Variants in HOPX observed in about 807,000 individuals in gnomAD.
HOPX encodes the protein HOP homeobox.
Under a neutral mutation model 11.8 loss-of-function variants are expected in HOPX, and 5 were observed. That is an observed-to-expected ratio of 0.43 (90% CI 0.22 to 0.89). The LOEUF is 0.89. Among genes scored for constraint, HOPX ranks in the 40% least tolerant of loss-of-function variants. HOPX has a pLI of 0.28. For synonymous variants in HOPX, 49 were observed against 49.7 expected (o/e 0.99, Z 0.06); for missense variants, 119 against 120.0 (o/e 0.99, Z 0.04).
intron 1 of HOPX, among the ~76,000 whole-genome samples, chr4:56,660,849 A>C (rs180755984): frequency 1.3e-5 from 2 of 152,328 alleles, no homozygotes; most frequent in East Asian, 3.9e-4. Context: ...TACCAAGACT[A>C]TGGAAGCTAC....
At chr4:56,681,060 T>C in intron 1 of HOPX, 195 bp downstream of exon 1, 5 of 985,308 alleles carry the variant, frequency 5.1e-6, no homozygotes, top group Non-Finnish European at 6.0e-6. Context: ...GCAGTTTTGT[T>C]TGTAAGGGAC....
At position 56,650,808 on chromosome 4, in the gene HOPX, C is replaced by T. The variant is rs546457239; in HGVS notation, c.199-2011G>A. The T allele has an allele frequency of 3.9e-6, 6 of 1,546,926 alleles. No individual in the cohort carries two copies. The highest frequency in any genetic ancestry group is 2.0e-5 in the Admixed American group (1 of 50,368). ...TATTTTGCTCCTGGAGATCAAATCA[C>T]TACCCTTCATGAGAAGAGAGAACTC... On this transcript the variant is annotated intron_variant, in intron 3 of 3. Coordinates refer to ENST00000420433, the MANE Select transcript of HOPX (RefSeq NM_032495.6).
At chr4:56,662,337 G>A (rs889511986) in intron 1 of HOPX, 3 of 152,166 alleles carry the variant, frequency 2.0e-5, no homozygotes, top group Non-Finnish European at 2.9e-5. Flanking sequence ...TTTTTAAAAA[G>A]AGTTAAATTG....
intron 3 of HOPX, 128 bp downstream of exon 3, chr4:56,655,729 G>T: frequency 8.9e-7 from 1 of 1,126,236 alleles, no homozygotes; most frequent in Non-Finnish European, 1.3e-6. Context: ...CTGGGATGCG[G>T]GCAGAAGCGA....
chr4:56,660,877 T>TC (rs1336349185), intron 1 of HOPX, among the ~76,000 whole-genome samples: 1 of 151,936 alleles, frequency 6.6e-6, no homozygotes, highest in Non-Finnish European at 1.5e-5. Context: ...TTTCCCGGAG[T>TC]CCCATCCCCT....
intron 1 of HOPX, among the ~76,000 whole-genome samples, chr4:56,676,279 C>T (rs937609319): frequency 6.6e-6 from 1 of 151,472 alleles, no homozygotes; most frequent in Non-Finnish European, 1.5e-5. Flanking sequence ...GCCTGGGTGA[C>T]AGTGAGACTC....
At chr4:56,675,406 A>G (rs1230776010) in intron 1 of HOPX, among the ~76,000 whole-genome samples, 1 of 151,542 alleles carries the variant, frequency 6.6e-6, no homozygotes, top group Non-Finnish European at 1.5e-5. Flanking sequence ...TTTAGAGTAA[A>G]AGGAGGTGCT....
intron 1 of HOPX, chr4:56,672,874 C>T (rs1360101513): frequency 6.6e-6 from 1 of 152,082 alleles, no homozygotes; most frequent in Admixed American, 6.6e-5. Flanking sequence ...GAAGATTGTG[C>T]TCTTTTAGTT....
chr4:56,669,203 G>A (rs748197563), intron 1 of HOPX, among the ~76,000 whole-genome samples: 12 of 152,088 alleles, frequency 7.9e-5, no homozygotes, highest in Non-Finnish European at 1.6e-4. Context: ...CAAGAAAGAA[G>A]AACACAGAGG....
At chr4:56,677,512 A>G (rs1027043623) in intron 1 of HOPX, among the ~76,000 whole-genome samples, 1 of 151,750 alleles carries the variant, frequency 6.6e-6, no homozygotes, top group African/African-American at 2.4e-5. Flanking sequence ...TCATTAAACG[A>G]TTATTGTCTA....
chr4:56,656,204 C>T (rs896136313), intron 2 of HOPX, 192 bp from the exon 3 acceptor site: 7 of 1,125,034 alleles, frequency 6.2e-6, no homozygotes, highest in East Asian at 3.7e-5. Context: ...CCGGGCCTCC[C>T]TCCCTGGACT....
At chr4:56,681,641 C>T, upstream of HOPX, 1 of 1,000,100 alleles carries the variant, frequency 1.0e-6, no homozygotes, top group Non-Finnish European at 1.2e-6. Context: ...GTCTTCTCAT[C>T]CACTTCCTTA....
intron 1 of HOPX, among the ~76,000 whole-genome samples, chr4:56,677,418 T>G (rs997707640): frequency 6.6e-5 from 10 of 151,682 alleles, no homozygotes; most frequent in Non-Finnish European, 1.5e-4. Context: ...AAAATTCAAA[T>G]GGTAACTATA....
At chr4:56,657,541 G>A (rs866754365) in intron 2 of HOPX, among the ~76,000 whole-genome samples, 2 of 152,138 alleles carry the variant, frequency 1.3e-5, no homozygotes, top group Non-Finnish European at 2.9e-5. Flanking sequence ...CAGGCACAAC[G>A]GGAAGTCATT....
At chr4:56,656,066 G>C in intron 2 of HOPX, 54 bp from the exon 3 acceptor site, 1 of 1,441,642 alleles carries the variant, frequency 6.9e-7, no homozygotes, top group Non-Finnish European at 9.1e-7. Flanking sequence ...CGGGCGGGAC[G>C]CAGCGAAGGA....
chr4:56,671,892 C>T (rs182983076), intron 1 of HOPX, among the ~76,000 whole-genome samples: 20 of 152,190 alleles, frequency 1.3e-4, no homozygotes, highest in Admixed American at 1.2e-3. Context: ...CTTTAGACGT[C>T]CATTTCATCA....
chr4:56,657,679 G>T lies in HOPX; in HGVS notation c.42+96C>A, dbSNP rs144901150. ...CTGTCACGGTGCTAGGCAGGAGAGG[G>T]TCATACCAGGTCAGAAACACTTCTT... On this transcript the variant is annotated intron_variant, in intron 2 of 3. Coordinates refer to ENST00000420433, the MANE Select transcript of HOPX (RefSeq NM_032495.6). 633 of 720,872 alleles carry T rather than the reference G, an allele frequency of 8.8e-4. 1 individual carries two copies. The highest frequency in any genetic ancestry group is 6.2e-3 in the African/African-American group (355 of 57,386). The allele number at this position is 720,872 out of a possible 1,614,324, so 44.7% of individuals were successfully genotyped here.
rs73163036 is a variant in HOPX, at chr4:56,674,407, A to C, written c.-84+6848T>G. 1.9e-3 allele frequency among the ~76,000 whole-genome samples: 288 copies of C among 151,850 alleles called. 14 individuals carry two copies. Among genetic ancestry groups the C allele is most frequent in the African/African-American group, 6.8e-3 (278 of 41,102 alleles). Reference sequence around the variant, plus strand: ...CCTTAGGGAGAAGCCACAAGGAAGAAGTGAAAATACATCAACAACGACTAG... The same window carrying C: ...CCTTAGGGAGAAGCCACAAGGAAGACGTGAAAATACATCAACAACGACTAG... On this transcript the variant is annotated intron_variant, in intron 1 of 3. Transcript: ENST00000420433.
At position 56,657,764 on chromosome 4, in the gene HOPX, T is replaced by G. The variant is rs1254121695; in HGVS notation, c.42+11A>C. The G allele has an allele frequency of 9.1e-7, 1 of 1,096,002 alleles. No homozygotes were observed. Among genetic ancestry groups the G allele is most frequent in the African/African-American group, 1.6e-5 (1 of 64,368 alleles). The allele number at this position is 1,096,002 out of a possible 1,614,324, so 67.9% of individuals were successfully genotyped here. ...CACAACTTCAGAGCTGGGAAGAACC[T>G]TGGAAATTACCTCTTCCAGTCTTCT... On this transcript the variant is annotated intron_variant, in intron 2 of 3. Coordinates refer to ENST00000420433, the MANE Select transcript of HOPX (RefSeq NM_032495.6).
Sources: gnomAD v4.1 joint callset for allele counts (sites outside exome capture counted in the v4.1 genomes callset) on GRCh38, gnomAD v4.1.1 for gene constraint, MANE v1.5 for transcripts, NCBI Gene and HGNC (gene_info 2026-07-23, HGNC 2026-07-21) for gene names.